Variants in NEDD4L observed in about 807,000 individuals in gnomAD.
NEDD4L encodes NEDD4 like E3 ubiquitin protein ligase, also known as E3 ubiquitin-protein ligase NEDD4-like.
A neutral mutation model predicts 148.9 loss-of-function variants in NEDD4L; 54 were observed. The ratio of observed to expected loss-of-function variants is 0.36; its 90% CI spans 0.29 to 0.45. NEDD4L has a LOEUF of 0.45. Among genes scored for constraint, NEDD4L ranks in the 20% least tolerant of loss-of-function variants. NEDD4L has a pLI of 1.00. For synonymous variants in NEDD4L, 433 were observed against 440.7 expected, an observed-to-expected ratio of 0.98 and a Z score of 0.22; for missense variants, 856 against 1,233.8, an observed-to-expected ratio of 0.69 and a Z score of 4.59.
At chr18:58,223,898 C>G (rs543289100) in intron 2 of NEDD4L, among the ~76,000 whole-genome samples, 125 of 152,336 alleles carry the variant, frequency 8.2e-4, no homozygotes, top group Non-Finnish European at 1.6e-3. Context: ...ACACCCTCGT[C>G]TACAGTAAAT....
In NEDD4L at chr18:58,400,021, G is replaced by A. The variant is rs2050749644; in HGVS notation, c.*3752G>A. 6.6e-6 allele frequency: 1 copy of A among 152,256 alleles called. No individual in the cohort carries two copies. The highest frequency in any genetic ancestry group is 1.5e-5 in the Non-Finnish European group (1 of 68,084). The allele number at this position is 152,256 out of a possible 1,614,324, so 9.4% of individuals were successfully genotyped here. A position where few individuals can be genotyped will look rare whatever the true frequency, so the allele number is the denominator to read the frequency against. On this transcript the variant is annotated 3_prime_UTR_variant, in exon 31 of 31. Transcript: ENST00000400345. ...CCTCTGAAATTTAAAAACGTATAAA[G>A]AGAGCCTGGGTTAATCAGTTCTGCA...
At position 58,348,604 on chromosome 18, in the gene NEDD4L, G is replaced by A. The variant is rs150291380; in HGVS notation, c.1576-933G>A. ...GCTGGGATTACAGGCATGAGCCATC[G>A]TGCCCGGCCTACACTGCATTTTAAC... On this transcript the variant is annotated intron_variant, in intron 16 of 30. Transcript: ENST00000400345. Among the ~76,000 whole-genome samples, 317 of 152,158 alleles carry A rather than the reference G, an allele frequency of 2.1e-3. 2 individuals are homozygous for A. The highest frequency in any genetic ancestry group is 7.3e-3 in the African/African-American group (301 of 41,496).
chr18:58,053,523 A>G (rs1415608319), intron 1 of NEDD4L, among the ~76,000 whole-genome samples: 6 of 152,010 alleles, frequency 3.9e-5, no homozygotes, highest in Non-Finnish European at 5.9e-5. Flanking sequence ...GTTAGGCAGG[A>G]TGGTCTCGAA....
In NEDD4L at chr18:58,045,342, A is replaced by G. The variant is rs1348289461; in HGVS notation, c.48+634A>G. ...AGGCTGGTGGCAGGTGCTCCTGGAAACTTGGGGAGGAAGCTTGCAGCCCTG... is the reference window on the plus strand; with the variant it reads ...AGGCTGGTGGCAGGTGCTCCTGGAAGCTTGGGGAGGAAGCTTGCAGCCCTG... On this transcript the variant is annotated intron_variant, in intron 1 of 30. Coordinates refer to ENST00000400345, the MANE Select transcript of NEDD4L (RefSeq NM_001144967.3). 10 of 391,962 alleles carry G rather than the reference A, an allele frequency of 2.6e-5. 1 individual carries two copies. Among genetic ancestry groups the G allele is most frequent in the Admixed American group, 4.4e-5 (1 of 22,504 alleles). 24.3% of individuals were successfully genotyped at this position (391,962 alleles called of 1,614,324 possible).
intron 16 of NEDD4L, among the ~76,000 whole-genome samples, chr18:58,347,226 C>G (rs1299931409): frequency 2.5e-5 from 3 of 119,752 alleles, no homozygotes; most frequent in African/African-American, 6.5e-5. Context: ...CCCCCCCCCC[C>G]CTTTAAATCA....
In NEDD4L at chr18:58,319,368, C is replaced by T. The variant is rs866086935; in HGVS notation, c.349-3057C>T. Among the ~76,000 whole-genome samples the T allele has an allele frequency of 5.9e-5, 9 of 152,254 alleles. No homozygotes were observed. The South Asian group carries it at 1.0e-3, about 18-fold the overall frequency. ...GCTTGCAGTGGTTGCATACAAGTTTCGAGTCTAGGGACCCAGCAGGGCCCT... is the reference window on the plus strand; with the variant it reads ...GCTTGCAGTGGTTGCATACAAGTTTTGAGTCTAGGGACCCAGCAGGGCCCT... On this transcript the variant is annotated intron_variant, in intron 6 of 30. Transcript: ENST00000400345.
At chr18:58,242,539 C>T (rs1251502997) in intron 2 of NEDD4L, among the ~76,000 whole-genome samples, 1 of 152,002 alleles carries the variant, frequency 6.6e-6, no homozygotes, top group African/African-American at 2.4e-5. Context: ...CTCACTCTGT[C>T]GCCCATCCTG....
intron 16 of NEDD4L, among the ~76,000 whole-genome samples, chr18:58,343,845 T>C (rs1234651421): frequency 6.6e-6 from 1 of 152,244 alleles, no homozygotes; most frequent in Non-Finnish European, 1.5e-5. Context: ...CAGTGTAGTA[T>C]ATGATTCTTT....
intron 2 of NEDD4L, among the ~76,000 whole-genome samples, chr18:58,200,912 AC>A (rs2147402060): frequency 6.6e-6 from 1 of 152,246 alleles, no homozygotes; most frequent in South Asian, 2.1e-4. Context: ...CCACTTCCCC[AC>A]CTTCTTACCT....
At chr18:58,318,589 G>A (rs1482165442) in intron 6 of NEDD4L, among the ~76,000 whole-genome samples, 1 of 152,246 alleles carries the variant, frequency 6.6e-6, no homozygotes, top group Non-Finnish European at 1.5e-5. Flanking sequence ...AGCAAACTTA[G>A]CTGTAACTGT....
At chr18:58,251,518 T>A (rs1465482818) in intron 4 of NEDD4L, among the ~76,000 whole-genome samples, 1 of 151,866 alleles carries the variant, frequency 6.6e-6, no homozygotes, top group African/African-American at 2.4e-5. Flanking sequence ...TCTGTCTCTG[T>A]CTGTCTGTCT....
intron 9 of NEDD4L, among the ~76,000 whole-genome samples, chr18:58,328,624 C>G (rs974530856): frequency 6.6e-6 from 1 of 152,218 alleles, no homozygotes; most frequent in African/African-American, 2.4e-5. Flanking sequence ...GACTGCCCAG[C>G]TGCTGTGTGA....
intron 1 of NEDD4L, among the ~76,000 whole-genome samples, chr18:58,067,799 G>A (rs2082676504): frequency 6.6e-6 from 1 of 152,158 alleles, no homozygotes; most frequent in Non-Finnish European, 1.5e-5. Context: ...TGGGAAGCTG[G>A]CAGTCTTAGT....
At chr18:58,276,193 C>CG (rs2051921803) in intron 5 of NEDD4L, among the ~76,000 whole-genome samples, 1 of 72,376 alleles carries the variant, frequency 1.4e-5, no homozygotes, top group African/African-American at 6.4e-5. Flanking sequence ...TTTTCTTTTT[C>CG]GTTTTTTTTT....
intron 1 of NEDD4L, among the ~76,000 whole-genome samples, chr18:58,055,607 A>G (rs1406961733): frequency 6.6e-6 from 1 of 152,228 alleles, no homozygotes; most frequent in African/African-American, 2.4e-5. Flanking sequence ...TCTAAGGATT[A>G]CCAGGTCATT....
chr18:58,315,954 CACTA>C, intron 5 of NEDD4L, 24 bp from the exon 6 acceptor site: 1 of 1,594,190 alleles, frequency 6.3e-7, no homozygotes, highest in South Asian at 1.1e-5. Flanking sequence ...GAAATGGAAA[CACTA>C]ACTCTTTGTT....
chr18:58,071,887 A>G (rs1048338428), intron 1 of NEDD4L, among the ~76,000 whole-genome samples: 1 of 152,228 alleles, frequency 6.6e-6, no homozygotes, highest in South Asian at 2.1e-4. Flanking sequence ...TGAGAACAGT[A>G]TGGGAGAAAC....
chr18:58,067,528 G>A (rs1449710394), intron 1 of NEDD4L, among the ~76,000 whole-genome samples: 5 of 152,144 alleles, frequency 3.3e-5, no homozygotes, highest in South Asian at 4.1e-4. Flanking sequence ...GTGGTGTGGG[G>A]GGCCTGCGAG....
At chr18:58,239,378 A>G (rs991220980) in intron 2 of NEDD4L, among the ~76,000 whole-genome samples, 1 of 152,174 alleles carries the variant, frequency 6.6e-6, no homozygotes, top group South Asian at 2.1e-4. Context: ...CTGTTATCCA[A>G]GTATCTTGGA....
Sources: gnomAD v4.1 joint callset for allele counts (sites outside exome capture counted in the v4.1 genomes callset) on GRCh38, gnomAD v4.1.1 for gene constraint, MANE v1.5 for transcripts, NCBI Gene and HGNC (gene_info 2026-07-23, HGNC 2026-07-21) for gene names.